The following ARID1B variants were observed in gnomAD, a reference collection of about 807,000 sequenced individuals.
The protein encoded by ARID1B is AT-rich interactive domain-containing protein 1B.
Under a neutral mutation model 212.3 loss-of-function variants are expected in ARID1B, and 30 were observed. The observed-to-expected ratio is 0.14, with a 90% confidence interval of 0.11 to 0.19. The LOEUF (loss-of-function observed/expected upper bound fraction) is 0.19, where lower values mean the gene tolerates loss of function less well. ARID1B is among the 10% of genes least tolerant of loss of function. ARID1B has a pLI of 1.00. For synonymous variants in ARID1B, 1,402 were observed against 1,301.7 expected (o/e 1.08, Z -1.66); for missense variants, 2,891 against 3,204.0 (o/e 0.90, Z 2.36).
At chr6:156,863,498 T>C (rs1785476527) in intron 2 of ARID1B, among the ~76,000 whole-genome samples, 1 of 152,142 alleles carries the variant, frequency 6.6e-6, no homozygotes, top group African/African-American at 2.4e-5. Flanking sequence ...GTTTTGGATA[T>C]ACTGATTTTG....
chr6:157,088,349 GC>G (rs551213708), intron 5 of ARID1B, among the ~76,000 whole-genome samples: 79 of 152,270 alleles, frequency 5.2e-4, no homozygotes, highest in African/African-American at 1.9e-3. Flanking sequence ...TAAGCCGAGG[GC>G]CACTCAAATG....
intron 2 of ARID1B, among the ~76,000 whole-genome samples, chr6:156,869,291 A>G (rs1426592982): frequency 1.3e-5 from 2 of 152,130 alleles, no homozygotes; most frequent in African/African-American, 4.8e-5. Context: ...TCTCTCTGTC[A>G]TAGGTCATCG....
rs944093945 is a variant in ARID1B at position 156,907,740 on chromosome 6, T to C, written c.2136+6215T>C. 2.3e-5 allele frequency among the ~76,000 whole-genome samples: 3 copies of C among 129,416 alleles called. No homozygotes were observed. In the Admixed American group the frequency reaches 2.5e-4, roughly 11 times the overall value. The allele number at this position is 129,416 out of a possible 152,430, so 84.9% of individuals were successfully genotyped here. A position where few individuals can be genotyped will look rare whatever the true frequency, so the allele number is the denominator to read the frequency against. ...GGTGAAATCCCATCTCTACTAAAAA[T>C]GCAAAAAAAAAAAAAAAATTAGCCA... On this transcript the variant is annotated intron_variant, in intron 3 of 19. Coordinates refer to ENST00000636930, the MANE Select transcript of ARID1B (RefSeq NM_001374828.1).
At chr6:156,807,075 G>A (rs542318385) in intron 1 of ARID1B, among the ~76,000 whole-genome samples, 9 of 152,288 alleles carry the variant, frequency 5.9e-5, no homozygotes, top group South Asian at 2.1e-4. Context: ...CTGGAGGACC[G>A]CAGCTTGCCA....
chr6:156,905,250 G>GCGCA (rs1554265935), intron 3 of ARID1B, among the ~76,000 whole-genome samples: 8 of 143,838 alleles, frequency 5.6e-5, no homozygotes, highest in Non-Finnish European at 1.1e-4. Context: ...ACATATGCAC[G>GCGCA]CACACACACA....
Position 156,778,100 on chromosome 6 carries a change from G to C in ARID1B, c.420G>C (p.Ser140=), listed in dbSNP as rs2114962140. 1 of 1,540,708 alleles carries C rather than the reference G, an allele frequency of 6.5e-7. No individual in the cohort carries two copies. Among genetic ancestry groups the C allele is most frequent in the Middle Eastern group, 1.8e-4 (1 of 5,614 alleles). The change falls in exon 1 of 20, where the codon TCG becomes TCC. Residue 140 remains serine, a synonymous_variant. Transcript: ENST00000636930. Reference sequence around the variant, plus strand: ...CTTCCTCCTCGTCGGGCCCGGGCTCGGCCATGGAGACGGGGCTGCTCCCCA... The same window carrying C: ...CTTCCTCCTCGTCGGGCCCGGGCTCCGCCATGGAGACGGGGCTGCTCCCCA... The part of the protein sequence containing the change: ...ASSSSSSGPG[S]AMETGLLPNH...
chr6:157,068,284 G>C (rs1471480278), intron 4 of ARID1B, among the ~76,000 whole-genome samples: 2 of 152,156 alleles, frequency 1.3e-5, no homozygotes, highest in African/African-American at 2.4e-5. Flanking sequence ...TTGTATTAGA[G>C]GTGGGCCTCC....
chr6:157,131,408 C>T lies in ARID1B; in HGVS notation c.2582-1620C>T, dbSNP rs1365353108. 3.3e-5 allele frequency among the ~76,000 whole-genome samples: 5 copies of T among 152,032 alleles called. No individual in the cohort carries two copies. In the East Asian group the frequency reaches 9.6e-4, roughly 29 times the overall value. Reference sequence around the variant, plus strand: ...GGCAAGGGTTGGTGTGACCTCTGATCAGGTGTCGAGGGAGGGCTGAGGGAT... The same window carrying T: ...GGCAAGGGTTGGTGTGACCTCTGATTAGGTGTCGAGGGAGGGCTGAGGGAT... On this transcript the variant is annotated intron_variant, in intron 6 of 19. Coordinates refer to ENST00000636930, the MANE Select transcript of ARID1B (RefSeq NM_001374828.1).
In ARID1B at chr6:157,062,204, G is replaced by GT. The variant is rs569892709; in HGVS notation, c.2248-22446dup. On this transcript the variant is annotated intron_variant, in intron 4 of 19. Transcript: ENST00000636930. ...TTTCTGTTTCTCCTTTTGTTTTGTT[G>GT]TTTTTTTTTTTTAGAGACAGAGCCT... Among the ~76,000 whole-genome samples the GT allele has an allele frequency of 5.3e-3, 761 of 143,040 alleles. 2 individuals carry two copies. The highest frequency in any genetic ancestry group is 0.01 in the African/African-American group (409 of 39,384). The allele number at this position is 143,040 out of a possible 152,430, so 93.8% of individuals were successfully genotyped here. A position where few individuals can be genotyped will look rare whatever the true frequency, so the allele number is the denominator to read the frequency against.
chr6:157,100,041 C>T (rs1022894132), intron 5 of ARID1B, among the ~76,000 whole-genome samples: 1 of 152,112 alleles, frequency 6.6e-6, no homozygotes, highest in African/African-American at 2.4e-5. Context: ...AATGAACTTT[C>T]GAGCTGTATG....
At chr6:157,112,584 C>T (rs542378679) in intron 6 of ARID1B, among the ~76,000 whole-genome samples, 3 of 152,214 alleles carry the variant, frequency 2.0e-5, no homozygotes, top group African/African-American at 4.8e-5. Context: ...AAATTTTAAC[C>T]TTTATTACTA....
At chr6:156,912,697 T>TC (rs1789993299) in intron 3 of ARID1B, among the ~76,000 whole-genome samples, 1 of 152,192 alleles carries the variant, frequency 6.6e-6, no homozygotes, top group Admixed American at 6.5e-5. Context: ...CCAGCCTGTG[T>TC]CTGCATATCA....
At chr6:157,010,460 T>G (rs1779528398) in intron 4 of ARID1B, among the ~76,000 whole-genome samples, 1 of 151,810 alleles carries the variant, frequency 6.6e-6, no homozygotes, top group Non-Finnish European at 1.5e-5. Flanking sequence ...GTAGCTGGGA[T>G]TACAGGCAAG....
chr6:157,073,825 A>AT (rs1240713764), intron 4 of ARID1B, among the ~76,000 whole-genome samples: 10 of 152,356 alleles, frequency 6.6e-5, no homozygotes, highest in Non-Finnish European at 1.3e-4. Flanking sequence ...ACGAGCACAG[A>AT]TCTTGGTGCC....
At chr6:156,890,221 C>G (rs995991675) in intron 2 of ARID1B, among the ~76,000 whole-genome samples, 2 of 152,116 alleles carry the variant, frequency 1.3e-5, no homozygotes, top group Non-Finnish European at 2.9e-5. Flanking sequence ...TTCACTTCAG[C>G]TGTGATTTGC....
At chr6:157,010,445 CCCGAGTAG>C (rs1779526569) in intron 4 of ARID1B, among the ~76,000 whole-genome samples, 1 of 151,920 alleles carries the variant, frequency 6.6e-6, no homozygotes, top group Non-Finnish European at 1.5e-5. Context: ...GCCTCAGCCT[CCCGAGTAG>C]CTGGGATTAC....
intron 10 of ARID1B, among the ~76,000 whole-genome samples, chr6:157,174,533 C>CAT (rs1315394629): frequency 6.9e-6 from 1 of 145,446 alleles, no homozygotes; most frequent in East Asian, 2.0e-4. Context: ...AGGTGAACAG[C>CAT]TTTTTTTTTT....
In ARID1B at chr6:157,174,984, G is replaced by A; in HGVS notation, c.3483G>A (p.Trp1161Ter). The A allele has an allele frequency of 6.7e-7, 1 of 1,489,602 alleles. No homozygotes were observed. Among genetic ancestry groups the A allele is most frequent in the Non-Finnish European group, 8.9e-7 (1 of 1,117,362 alleles). The allele number at this position is 1,489,602 out of a possible 1,614,324, so 92.3% of individuals were successfully genotyped here. Residue 1161 changes from tryptophan to a stop codon, truncating the protein, a stop_gained, in exon 11 of 20, where the codon TGG becomes TGA. Transcript: ENST00000636930. LOFTEE classifies it high-confidence loss of function. ...GTGATAGCATTAGCAGCCCAGGCTG[G>A]CCAAAGACTCCATCAAGCCCTGTAA... ...DESDSISSPG[W>*]PKTPSSPKSS...
intron 1 of ARID1B, among the ~76,000 whole-genome samples, chr6:156,813,089 TATAC>T (rs200824761): frequency 1.2e-4 from 13 of 110,588 alleles, no homozygotes; most frequent in Admixed American, 4.2e-4. Flanking sequence ...TACGTATGTA[TATAC>T]ATACATATAT....
Sources: gnomAD v4.1 joint callset for allele counts (sites outside exome capture counted in the v4.1 genomes callset) on GRCh38, gnomAD v4.1.1 for gene constraint, MANE v1.5 for transcripts, NCBI Gene and HGNC (gene_info 2026-07-23, HGNC 2026-07-21) for gene names.